Variants in GRID2 observed in about 807,000 individuals in gnomAD.
The protein encoded by GRID2 is glutamate ionotropic receptor delta type subunit 2.
In GRID2, 33 loss-of-function variants were observed where a neutral mutation model predicts 114.8. The observed-to-expected ratio is 0.29, with a 90% CI of 0.22 to 0.38. The LOEUF (loss-of-function observed/expected upper bound fraction) is 0.38, where lower values mean the gene tolerates loss of function less well. Among genes scored for constraint, GRID2 ranks in the 10% least tolerant of loss-of-function variants. The pLI is 1.00. For synonymous variants in GRID2, 505 were observed against 449.9 expected (o/e 1.12, Z -1.55); for missense variants, 1,184 against 1,257.7 (o/e 0.94, Z 0.89).
intron 1 of GRID2, among the ~76,000 whole-genome samples, chr4:92,541,540 G>C (rs1725953882): frequency 6.6e-6 from 1 of 151,708 alleles, no homozygotes. Context: ...CAAATTTATA[G>C]CAATCTATGT....
chr4:92,682,328 C>T (rs757396570), intron 2 of GRID2, among the ~76,000 whole-genome samples: 1 of 152,102 alleles, frequency 6.6e-6, no homozygotes, highest in Non-Finnish European at 1.5e-5. Flanking sequence ...TCCCAAAGTG[C>T]AAGTGTTGAT....
chr4:93,566,389 G>A (rs1303965744), intron 13 of GRID2, among the ~76,000 whole-genome samples: 1 of 152,168 alleles, frequency 6.6e-6, no homozygotes, highest in Non-Finnish European at 1.5e-5. Flanking sequence ...ACTGCAAGGA[G>A]ATGAGGGGAT....
At chr4:93,399,749 CCTCTTATCTAT>C (rs1370749009) in intron 9 of GRID2, among the ~76,000 whole-genome samples, 2 of 152,012 alleles carry the variant, frequency 1.3e-5, no homozygotes, top group African/African-American at 4.8e-5. Context: ...TGATCTCACT[CCTCTTATCTAT>C]CTCTTTTCAT....
rs773133075 is a variant in GRID2, at chr4:93,085,180, C to T, written c.430C>T (p.Leu144Phe). Residue 144 changes from leucine to phenylalanine, a missense_variant, in exon 3 of 16, where the codon CTC becomes TTC. Physicochemically the swap from Leu to Phe is conservative, Grantham distance 22. Transcript: ENST00000282020. Reference protein sequence around the residue: ...TRSNRNDDYTLSVRPPVYLHD... With the variant: ...TRSNRNDDYTFSVRPPVYLHD... Reference sequence around the variant, plus strand: ...GAGCAACAGGAATGATGACTACACTCTCTCAGTTCGCCCACCTGTCTACTT... The same window carrying T: ...GAGCAACAGGAATGATGACTACACTTTCTCAGTTCGCCCACCTGTCTACTT... 4.0e-5 allele frequency: 65 copies of T among 1,613,812 alleles called. No individual in the cohort carries two copies. The highest frequency in any genetic ancestry group is 1.2e-4 in the Admixed American group (7 of 60,002).
chr4:93,455,254 T>G (rs571148934), intron 10 of GRID2, among the ~76,000 whole-genome samples: 1 of 152,236 alleles, frequency 6.6e-6, no homozygotes, highest in South Asian at 2.1e-4. Context: ...CACCTAGTAA[T>G]TTACATGTTA....
Position 93,279,679 on chromosome 4 carries a change from G to C in GRID2, c.1245+41189G>C, listed in dbSNP as rs573759406. Among the ~76,000 whole-genome samples the C allele has an allele frequency of 2.5e-4, 38 of 151,964 alleles. 1 individual carries two copies. The South Asian group carries it at 3.9e-3, about 16-fold the overall frequency. On this transcript the variant is annotated intron_variant, in intron 8 of 15. Coordinates refer to ENST00000282020, the MANE Select transcript of GRID2 (RefSeq NM_001510.4). ...GATTTTGCTCCGTTTAAAGACCTTT[G>C]AACTTCATGAAGACCTTTACTTTTT...
chr4:92,339,042 T>A (rs2110158704), intron 1 of GRID2, among the ~76,000 whole-genome samples: 1 of 152,208 alleles, frequency 6.6e-6, no homozygotes, highest in South Asian at 2.1e-4. Context: ...CCCATTGCCA[T>A]AGGGACATTA....
At chr4:93,330,081 C>A (rs192624006) in intron 8 of GRID2, among the ~76,000 whole-genome samples, 83 of 152,140 alleles carry the variant, frequency 5.5e-4, no homozygotes, top group African/African-American at 1.8e-3. Flanking sequence ...AGGTAAAATA[C>A]CTGGTGGTTG....
chr4:92,522,498 T>C (rs572790677), intron 1 of GRID2, among the ~76,000 whole-genome samples: 1 of 152,078 alleles, frequency 6.6e-6, no homozygotes, highest in South Asian at 2.1e-4. Flanking sequence ...TTCCAGCTGC[T>C]GAGATGTGAC....
At chr4:92,815,964 A>T in intron 2 of GRID2, among the ~76,000 whole-genome samples, 1 of 150,622 alleles carries the variant, frequency 6.6e-6, no homozygotes, top group Admixed American at 6.6e-5. Context: ...AAAAGCCAAA[A>T]AAAAACCAAC....
intron 2 of GRID2, among the ~76,000 whole-genome samples, chr4:92,683,400 C>T (rs1733748159): frequency 6.6e-6 from 1 of 152,074 alleles, no homozygotes; most frequent in Non-Finnish European, 1.5e-5. Context: ...TTTGCCTAGA[C>T]AGAAGTGCAC....
At chr4:92,421,617 T>C (rs1454108323) in intron 1 of GRID2, among the ~76,000 whole-genome samples, 1 of 152,076 alleles carries the variant, frequency 6.6e-6, no homozygotes, top group South Asian at 2.1e-4. Context: ...ACAGGACTAA[T>C]AGATGAGAAT....
At chr4:92,974,778 C>T (rs973100095) in intron 2 of GRID2, among the ~76,000 whole-genome samples, 15 of 151,964 alleles carry the variant, frequency 9.9e-5, no homozygotes, top group Admixed American at 3.3e-4. Flanking sequence ...GGCACGTGTA[C>T]ATCTATGTAA....
chr4:93,146,787 C>T lies in GRID2; in HGVS notation c.735+35834C>T, dbSNP rs530558243. 5.3e-5 allele frequency among the ~76,000 whole-genome samples: 8 copies of T among 152,152 alleles called. No homozygotes were observed. In the East Asian group the frequency reaches 9.6e-4, roughly 18 times the overall value. On this transcript the variant is annotated intron_variant, in intron 4 of 15. Coordinates refer to ENST00000282020, the MANE Select transcript of GRID2 (RefSeq NM_001510.4). ...TTGTAATGCTTGTTCAGCTACTATG[C>T]TTTTCATTGGGATTAACTAGACATC...
chr4:92,553,838 G>T (rs1469542004), intron 1 of GRID2, among the ~76,000 whole-genome samples: 3 of 152,048 alleles, frequency 2.0e-5, no homozygotes, highest in Non-Finnish European at 4.4e-5. Context: ...TTTTAGTAGA[G>T]ACGGGCTTTT....
At chr4:93,512,659 T>C (rs570266846) in intron 12 of GRID2, among the ~76,000 whole-genome samples, 6 of 152,198 alleles carry the variant, frequency 3.9e-5, no homozygotes, top group Non-Finnish European at 7.3e-5. Context: ...AATTACAAAA[T>C]GCTCTGCTAT....
chr4:93,065,485 C>T (rs1251140382), intron 2 of GRID2, among the ~76,000 whole-genome samples: 1 of 151,810 alleles, frequency 6.6e-6, no homozygotes, highest in Non-Finnish European at 1.5e-5. Context: ...TTTATCTCTC[C>T]CAGTCATAAC....
At chr4:93,353,511 C>T (rs1761007998) in intron 8 of GRID2, among the ~76,000 whole-genome samples, 2 of 151,956 alleles carry the variant, frequency 1.3e-5, no homozygotes, top group Non-Finnish European at 2.9e-5. Context: ...CACACAATCA[C>T]AGATGGTGCT....
Position 93,216,894 on chromosome 4 carries a change from T to G in GRID2, c.946T>G (p.Phe316Val), listed in dbSNP as rs187713184. The G allele has an allele frequency of 6.2e-7, 1 of 1,611,916 alleles. No homozygotes were observed. The highest frequency in any genetic ancestry group is 8.5e-7 in the Non-Finnish European group (1 of 1,178,178). Residue 316 changes from phenylalanine (F) to valine (V), a missense_variant, in exon 6 of 16, where the codon TTT becomes GTT. Around this residue, in one of 3 missense-constraint regions of GRID2, gnomAD observed 455 missense variants for 429.5 expected, o/e 1.06. Coordinates refer to ENST00000282020, the MANE Select transcript of GRID2 (RefSeq NM_001510.4). ...AACATTGTGTGATCCAAAGGATCCATTTGCTCAGAATATGGAGGTATATTA... is the reference window on the plus strand; with the variant it reads ...AACATTGTGTGATCCAAAGGATCCAGTTGCTCAGAATATGGAGGTATATTA... ...SSTLCDPKDP[F>V]AQNMEISNLY...
Sources: gnomAD v4.1 joint callset for allele counts (sites outside exome capture counted in the v4.1 genomes callset) on GRCh38, gnomAD v4.1.1 for gene constraint, gnomAD v4.1.1 regional missense constraint, MANE v1.5 for transcripts, NCBI Gene and HGNC (gene_info 2026-07-23, HGNC 2026-07-21) for gene names.